Variants in ARHGEF3 observed in about 807,000 individuals in gnomAD.
ARHGEF3 encodes Rho guanine nucleotide exchange factor 3.
ARHGEF3 carries 28 observed loss-of-function variants against 63.2 expected under a neutral mutation model. That is an observed-to-expected ratio of 0.44 (90% CI 0.33 to 0.61). The LOEUF (loss-of-function observed/expected upper bound fraction) is 0.61, where lower values mean the gene tolerates loss of function less well. Among genes scored for constraint, ARHGEF3 ranks in the 20% least tolerant of loss-of-function variants. The pLI is 0.03. For synonymous variants in ARHGEF3, 266 were observed against 254.2 expected (o/e 1.05, Z -0.44); for missense variants, 533 against 659.3 (o/e 0.81, Z 2.10).
intron 2 of ARHGEF3, among the ~76,000 whole-genome samples, chr3:56,763,348 T>C (rs868192171): frequency 1.3e-5 from 2 of 152,132 alleles, no homozygotes; most frequent in Non-Finnish European, 2.9e-5. Flanking sequence ...TTTCATTAAT[T>C]AGCAAACAGC....
chr3:56,992,171 C>T (rs1047906389), intron 2 of ARHGEF3, among the ~76,000 whole-genome samples: 3 of 151,420 alleles, frequency 2.0e-5, no homozygotes, highest in Admixed American at 2.0e-4. Flanking sequence ...TTAGAACCAG[C>T]TTTCTCATCC....
chr3:56,920,835 G>A (rs2108363629), intron 3 of ARHGEF3, among the ~76,000 whole-genome samples: 1 of 152,138 alleles, frequency 6.6e-6, no homozygotes, highest in East Asian at 1.9e-4. Context: ...GGCAGATCAC[G>A]AGGTCAGGAG....
At chr3:56,992,024 C>CTCTCTCTG (rs1239113895) in intron 2 of ARHGEF3, among the ~76,000 whole-genome samples, 10 of 131,716 alleles carry the variant, frequency 7.6e-5, no homozygotes, top group African/African-American at 2.9e-4. Flanking sequence ...CCTCCTCTCT[C>CTCTCTCTG]TGTGTGTGTG....
At chr3:57,038,051 A>T (rs1704035533) in intron 1 of ARHGEF3, among the ~76,000 whole-genome samples, 1 of 152,210 alleles carries the variant, frequency 6.6e-6, no homozygotes, top group Non-Finnish European at 1.5e-5. Flanking sequence ...GGAGGCAGGG[A>T]CTGTTACCAT....
rs2317254 is a variant in ARHGEF3 at position 56,832,677 on chromosome 3, C to G, written c.192+49615G>C. On this transcript the variant is annotated intron_variant, in intron 4 of 12. Transcript: ENST00000338458. ...TTAAAGCACACAATTCACTGGTGAT[C>G]ATTATATTCACAATGCTGTACAGCC... Among the ~76,000 whole-genome samples, 68 of 152,168 alleles carry G rather than the reference C, an allele frequency of 4.5e-4. No homozygotes were observed. The East Asian group carries it at 0.012, about 28-fold the overall frequency.
intron 1 of ARHGEF3, among the ~76,000 whole-genome samples, chr3:56,785,684 G>C (rs537881409): frequency 4.6e-5 from 7 of 152,250 alleles, no homozygotes; most frequent in South Asian, 2.1e-4. Flanking sequence ...GATGAAAAAG[G>C]GTGCTCAGAT....
At chr3:56,964,636 T>A (rs1700415141) in intron 2 of ARHGEF3, among the ~76,000 whole-genome samples, 1 of 152,160 alleles carries the variant, frequency 6.6e-6, no homozygotes, top group Admixed American at 6.5e-5. Context: ...CACAGGGCAT[T>A]CAGATCCACC....
intron 1 of ARHGEF3, among the ~76,000 whole-genome samples, chr3:56,790,153 T>C (rs1028412746): frequency 2.0e-5 from 3 of 152,218 alleles, no homozygotes; most frequent in African/African-American, 7.2e-5. Flanking sequence ...TAGAAATAAA[T>C]GCTGCATTTA....
At chr3:56,796,518 G>T (rs913697450) in intron 1 of ARHGEF3, among the ~76,000 whole-genome samples, 7 of 152,172 alleles carry the variant, frequency 4.6e-5, no homozygotes, top group Admixed American at 3.3e-4. Context: ...CCCAAATGGG[G>T]GCTTGCAAAT....
At chr3:56,927,616 C>A (rs1325875630) in intron 3 of ARHGEF3, among the ~76,000 whole-genome samples, 3 of 152,128 alleles carry the variant, frequency 2.0e-5, no homozygotes, top group Non-Finnish European at 4.4e-5. Flanking sequence ...CAGGATCAGG[C>A]ACCTAAAGTG....
intron 1 of ARHGEF3, among the ~76,000 whole-genome samples, chr3:56,794,725 A>G (rs2107935462): frequency 6.6e-6 from 1 of 152,316 alleles, no homozygotes; most frequent in East Asian, 1.9e-4. Flanking sequence ...ACATCCTCTT[A>G]CACTTTAAAT....
At chr3:56,775,124 A>G (rs1351918166) in intron 1 of ARHGEF3, 31 of 1,547,748 alleles carry the variant, frequency 2.0e-5, no homozygotes, top group Non-Finnish European at 2.7e-5. Context: ...TTCCAGAGGG[A>G]GCCTCTAGGT....
chr3:56,833,518 A>AAACC (rs935430466), intron 4 of ARHGEF3, among the ~76,000 whole-genome samples: 7 of 152,090 alleles, frequency 4.6e-5, no homozygotes, highest in African/African-American at 1.7e-4. Flanking sequence ...AGCTCCCTCC[A>AAACC]TGTTGTTGTA....
chr3:56,790,859 G>GA (rs368584359), intron 1 of ARHGEF3, among the ~76,000 whole-genome samples: 58 of 152,174 alleles, frequency 3.8e-4, no homozygotes, highest in African/African-American at 1.4e-3. Flanking sequence ...CCTCTAGGAA[G>GA]ACTCCACATT....
At chr3:57,013,365 T>C (rs1314404901) in intron 2 of ARHGEF3, among the ~76,000 whole-genome samples, 1 of 152,222 alleles carries the variant, frequency 6.6e-6, no homozygotes, top group Non-Finnish European at 1.5e-5. Context: ...TTTTTATGTC[T>C]AGCTGGAGGA....
chr3:57,011,762 C>T (rs1324262979), intron 2 of ARHGEF3, among the ~76,000 whole-genome samples: 2 of 152,208 alleles, frequency 1.3e-5, no homozygotes, highest in Non-Finnish European at 2.9e-5. Flanking sequence ...AGGAGATAAT[C>T]ACTCCCAATC....
rs183893358 is a variant in ARHGEF3, at chr3:56,954,032, T to G, written c.129+4791A>C. ...TGTCTAAATATTAAAAGGTCAGGGCTACAATGTCCAAAGTTACTTCTAAGC... is the reference window on the plus strand; with the variant it reads ...TGTCTAAATATTAAAAGGTCAGGGCGACAATGTCCAAAGTTACTTCTAAGC... On this transcript the variant is annotated intron_variant, in intron 3 of 12. Coordinates refer to the ARHGEF3 transcript ENST00000338458. 9.8e-5 allele frequency among the ~76,000 whole-genome samples: 15 copies of G among 152,330 alleles called. No homozygotes were observed. In the East Asian group the frequency reaches 2.9e-3, roughly 29 times the overall value.
intron 3 of ARHGEF3, among the ~76,000 whole-genome samples, chr3:56,935,704 A>C (rs1462436150): frequency 6.6e-6 from 1 of 152,052 alleles, no homozygotes; most frequent in African/African-American, 2.4e-5. Flanking sequence ...AGAAACTCCG[A>C]ACACATCTGA....
chr3:56,929,156 A>ACCC, intron 3 of ARHGEF3, among the ~76,000 whole-genome samples: 1 of 152,144 alleles, frequency 6.6e-6, no homozygotes, highest in South Asian at 2.1e-4. Flanking sequence ...AAGGGTCTAG[A>ACCC]AAGGAGAGTG....
Sources: gnomAD v4.1 joint callset for allele counts (sites outside exome capture counted in the v4.1 genomes callset) on GRCh38, gnomAD v4.1.1 for gene constraint, MANE v1.5 for transcripts, NCBI Gene and HGNC (gene_info 2026-07-23, HGNC 2026-07-21) for gene names.